THAP4: variants seen among roughly 807,000 people sequenced by gnomAD.
THAP4 encodes the protein peroxynitrite isomerase THAP4.
THAP4 carries 18 observed loss-of-function variants against 48.1 expected under a neutral mutation model. The ratio of observed to expected loss-of-function variants is 0.37; its 90% confidence interval spans 0.26 to 0.56. THAP4 has a LOEUF of 0.56. THAP4 is among the 20% of genes least tolerant of loss of function. The pLI, the probability that THAP4 is intolerant of heterozygous loss-of-function variation, is 0.78. For missense variants in THAP4, 656 were observed against 774.9 expected (o/e 0.85, Z 1.82); for synonymous variants, 345 against 324.9 (o/e 1.06, Z -0.66).
intron 5 of THAP4, among the ~76,000 whole-genome samples, chr2:241,589,726 T>TC (rs2066934666): frequency 6.6e-6 from 1 of 151,900 alleles, no homozygotes; most frequent in East Asian, 1.9e-4. Flanking sequence ...CAAAGTTAGG[T>TC]CTACACATGC....
intron 2 of THAP4, among the ~76,000 whole-genome samples, chr2:241,625,797 CAAAAAAAAAAAAAA>C (rs147602587): frequency 6.0e-5 from 3 of 50,156 alleles, no homozygotes; most frequent in African/African-American, 1.9e-4. Flanking sequence ...GACTCCGTCT[CAAAAAAAAAAAAAA>C]AAAAAAAAAA....
intron 5 of THAP4, among the ~76,000 whole-genome samples, chr2:241,592,491 G>A (rs917298455): frequency 6.6e-6 from 1 of 152,080 alleles, no homozygotes; most frequent in South Asian, 2.1e-4. Flanking sequence ...AGGGACCCTC[G>A]GCAGCTCACA....
At chr2:241,590,954 C>G (rs36159888) in intron 5 of THAP4, among the ~76,000 whole-genome samples, 1 of 150,584 alleles carries the variant, frequency 6.6e-6, no homozygotes, top group African/African-American at 2.4e-5. Flanking sequence ...CAGAGCTGCT[C>G]GGCTGACGAT....
chr2:241,595,475 T>TA (rs1046381582), intron 5 of THAP4, among the ~76,000 whole-genome samples: 3 of 151,780 alleles, frequency 2.0e-5, no homozygotes, highest in African/African-American at 7.3e-5. Context: ...CCATCTTTAA[T>TA]AAAAATATTA....
At position 241,616,690 on chromosome 2, in the gene THAP4, A is replaced by C. The variant is rs935022233; in HGVS notation, c.1241-10217T>G. On this transcript the variant is annotated intron_variant, in intron 2 of 5. Transcript: ENST00000407315. This position sits in a 1 kb window ranked among gnomAD's most constrained non-coding sequence, Gnocchi z 4.6. ...GAATTCTAAGATAGCTCTGAAATTC[A>C]GAAGAAACGCTTTTGAGCAGAAAAA... is the stretch of plus-strand genomic sequence containing the variant. 1.6e-4 allele frequency among the ~76,000 whole-genome samples: 24 copies of C among 152,200 alleles called. No homozygotes were observed. Among genetic ancestry groups the C allele is most frequent in the African/African-American group, 5.6e-4 (23 of 41,440 alleles).
chr2:241,631,427 GA>G (rs1314157040), intron 2 of THAP4, among the ~76,000 whole-genome samples: 1 of 152,082 alleles, frequency 6.6e-6, no homozygotes, highest in Admixed American at 6.6e-5. Flanking sequence ...TAAAATATGG[GA>G]AAAAACAGAA....
rs1016344640 is a variant in THAP4, at chr2:241,584,405, T to A, written c.*201A>T. ...AAAAATGTACAGCCTACGCAAGTGA[T>A]AATATTCAAAATCCTCAGCCATAAA... On this transcript the variant is annotated 3_prime_UTR_variant, in exon 6 of 6. Transcript: ENST00000407315. 1.9e-5 allele frequency: 11 copies of A among 573,198 alleles called. No individual in the cohort carries two copies. The African/African-American group carries it at 2.1e-4, about 11-fold the overall frequency. The allele number at this position is 573,198 out of a possible 1,614,324, so 35.5% of individuals were successfully genotyped here. A position where few individuals can be genotyped will look rare whatever the true frequency, so the allele number is the denominator to read the frequency against.
At chr2:241,625,753 G>A (rs1307735603) in intron 2 of THAP4, among the ~76,000 whole-genome samples, 3 of 124,980 alleles carry the variant, frequency 2.4e-5, no homozygotes, top group Admixed American at 9.7e-5. Context: ...AGCTGAGATC[G>A]TGCCACTGCA....
In THAP4 at chr2:241,612,148, TA is replaced by T. The variant is rs966990161; in HGVS notation, c.1241-5676del. On this transcript the variant is annotated intron_variant, in intron 2 of 5. Coordinates refer to ENST00000407315, the MANE Select transcript of THAP4 (RefSeq NM_015963.6). This position sits in a 1 kb window ranked among gnomAD's most constrained non-coding sequence, Gnocchi z 4.1. ...CATGACCTGGCAGAAGTCGAGAAAG[TA>T]AAAGAAAAAAAATCAAGCCACCACC... Among the ~76,000 whole-genome samples the T allele has an allele frequency of 6.7e-6, 1 of 148,166 alleles. No homozygotes were observed. The highest frequency in any genetic ancestry group is 6.7e-5 in the Admixed American group (1 of 14,984).
chr2:241,590,117 G>A (rs1255589618), intron 5 of THAP4, among the ~76,000 whole-genome samples: 8 of 151,344 alleles, frequency 5.3e-5, no homozygotes, highest in Admixed American at 5.3e-4. Context: ...ACGATGATGG[G>A]CACTAGGACA....
Position 241,632,904 on chromosome 2 carries a change from C to T in THAP4, c.1240+13G>A, listed in dbSNP as rs2067583729. 1.2e-5 allele frequency: 19 copies of T among 1,580,482 alleles called. No individual in the cohort carries two copies. Among genetic ancestry groups the T allele is most frequent in the Non-Finnish European group, 1.6e-5 (19 of 1,162,828 alleles). On this transcript the variant is annotated intron_variant, in intron 2 of 5. Transcript: ENST00000407315. Reference sequence around the variant, plus strand: ...GGGAAGGGAACATGGGTACGCGAGGCTCCGGTACTGACCGCGGCTGGGCGA... The same window carrying T: ...GGGAAGGGAACATGGGTACGCGAGGTTCCGGTACTGACCGCGGCTGGGCGA...
chr2:241,596,246 C>G (rs1218220242), intron 5 of THAP4, among the ~76,000 whole-genome samples: 1 of 152,092 alleles, frequency 6.6e-6, no homozygotes, highest in African/African-American at 2.4e-5. Context: ...GTGGCTCACG[C>G]CTGTAATCCC....
At chr2:241,588,002 A>T (rs900146272) in intron 5 of THAP4, among the ~76,000 whole-genome samples, 3 of 148,750 alleles carry the variant, frequency 2.0e-5, no homozygotes, top group African/African-American at 7.3e-5. Context: ...GAAAGAAAAA[A>T]GTAAAAAGGA....
intron 5 of THAP4, chr2:241,584,944 G>A (rs2066874793): frequency 1.7e-6 from 1 of 591,102 alleles, no homozygotes; most frequent in Admixed American, 3.0e-5. Flanking sequence ...CACAGGGATT[G>A]TTTATTTAGA....
At chr2:241,637,437 A>G, upstream of THAP4, 1 of 1,469,228 alleles carries the variant, frequency 6.8e-7, no homozygotes, top group Non-Finnish European at 9.0e-7. Flanking sequence ...CTCTAAGAGG[A>G]GGAAGCGCCA....
chr2:241,608,914 TG>T (rs2067224969), intron 2 of THAP4, among the ~76,000 whole-genome samples: 2 of 151,996 alleles, frequency 1.3e-5, no homozygotes, highest in South Asian at 4.1e-4. Flanking sequence ...GCAGACCAGG[TG>T]GAAGTGCCAG....
Position 241,633,828 on chromosome 2 carries a change from CCT to C in THAP4, c.327_328del (p.Gly111CysfsTer41). 1.2e-6 allele frequency: 2 copies of C among 1,613,886 alleles called. No homozygotes were observed. Among genetic ancestry groups the C allele is most frequent in the Non-Finnish European group, 1.7e-6 (2 of 1,179,808 alleles). ...GGCACTCGAGTGTCCCCTCACACCC[CCT>C]GTGGCCTTGCTGGCATCTTTTCTCC... On this transcript the variant is annotated frameshift_variant, in exon 2 of 6. Coordinates refer to ENST00000407315, the MANE Select transcript of THAP4 (RefSeq NM_015963.6). LOFTEE classifies it high-confidence loss of function. This position sits in a 1 kb window ranked among gnomAD's most constrained non-coding sequence, Gnocchi z 7.5.
At chr2:241,635,582 A>G (rs752845662) in intron 1 of THAP4, among the ~76,000 whole-genome samples, 2 of 152,146 alleles carry the variant, frequency 1.3e-5, no homozygotes, top group African/African-American at 2.4e-5. Context: ...AGCCTGGCCA[A>G]TATGGTGAAA....
chr2:241,632,906 C>A lies in THAP4; in HGVS notation c.1240+11G>T. The stretch of plus-strand genomic sequence containing the variant: ...GAAGGGAACATGGGTACGCGAGGCT[C>A]CGGTACTGACCGCGGCTGGGCGACA... On this transcript the variant is annotated intron_variant, in intron 2 of 5. Transcript: ENST00000407315. 2 of 1,582,392 alleles carry A rather than the reference C, an allele frequency of 1.3e-6. No homozygotes were observed. Among genetic ancestry groups the A allele is most frequent in the Non-Finnish European group, 1.7e-6 (2 of 1,163,728 alleles).
Sources: allele counts gnomAD v4.1 joint callset (sites outside exome capture counted in the v4.1 genomes callset), GRCh38; gene constraint gnomAD v4.1.1; non-coding constraint Gnocchi (gnomAD v3.1); transcripts MANE v1.5; gene names NCBI Gene and HGNC (gene_info 2026-07-23, HGNC 2026-07-21).